Variants in AP4B1 observed in about 807,000 individuals in gnomAD.
The protein encoded by AP4B1 is adaptor related protein complex 4 subunit beta 1.
A neutral mutation model predicts 76.5 loss-of-function variants in AP4B1; 49 were observed. That is an observed-to-expected ratio of 0.64 (90% CI 0.51 to 0.81). The LOEUF is 0.81. Ranked by LOEUF, AP4B1 falls within the 40% of genes least tolerant of loss-of-function variation. The pLI is 0.00. For synonymous variants in AP4B1, 330 were observed against 333.3 expected (o/e 0.99, Z 0.11); for missense variants, 911 against 904.9 (o/e 1.01, Z -0.09).
chr1:113,896,131 A>G, intron 8 of AP4B1, 93 bp from the exon 9 acceptor site: 1 of 1,600,090 alleles, frequency 6.2e-7, no homozygotes, highest in Non-Finnish European at 8.6e-7. Flanking sequence ...AATGAAGGAG[A>G]GAGGAAAACC....
In AP4B1 at chr1:113,904,692, A is replaced by C; in HGVS notation, c.26T>G (p.Val9Gly). MPYLGSED[V>G]VKELKKALCN... ...CAGAGCCTTCTTCAGCTCCTTCACCACGTCCTCGGAGCCAAGGTACGGCAT... is the reference window on the plus strand; with the variant it reads ...CAGAGCCTTCTTCAGCTCCTTCACCCCGTCCTCGGAGCCAAGGTACGGCAT... The change falls in exon 1 of 10, where the codon GTG (valine) becomes GGG (glycine). Residue 9 changes from valine to glycine, a missense_variant. Physicochemically the swap from Val to Gly is moderately radical, Grantham distance 109. Transcript: ENST00000369569. 3 of 1,612,498 alleles carry C rather than the reference A, an allele frequency of 1.9e-6. No individual in the cohort carries two copies. The highest frequency in any genetic ancestry group is 2.5e-6 in the Non-Finnish European group (3 of 1,179,988).
Position 113,895,552 on chromosome 1 carries a change from T to A in AP4B1, c.1793-60A>T, listed in dbSNP as rs1410066802. The A allele has an allele frequency of 6.9e-6, 11 of 1,602,576 alleles. No homozygotes were observed. In the Admixed American group the frequency reaches 1.5e-4, roughly 22 times the overall value. On this transcript the variant is annotated intron_variant, in intron 9 of 9. Coordinates refer to ENST00000369569, the MANE Select transcript of AP4B1 (RefSeq NM_001253852.3). ...CTTAATCTGTAGGAGCTAAGTTTTT[T>A]ATCCAAATTCCCAAATGTACACAAT...
chr1:113,902,724 G>A lies in AP4B1; in HGVS notation c.252C>T (p.Leu84=). ...CTTTGCACAGCGTATTGATGGCCAG[G>A]AGAGCCAGATCTGGTTTCAGGGGAG... ...TYAPLKPDLA[L]LAINTLCKDC... The change falls in exon 2 of 10, where the codon CTC becomes CTT. Residue 84 remains leucine, a synonymous_variant. Coordinates refer to ENST00000369569, the MANE Select transcript of AP4B1 (RefSeq NM_001253852.3). 1 of 1,614,182 alleles carries A rather than the reference G, an allele frequency of 6.2e-7. No homozygotes were observed. The highest frequency in any genetic ancestry group is 8.5e-7 in the Non-Finnish European group (1 of 1,180,050).
rs79496935 is a variant in AP4B1, at chr1:113,899,465, G to A, written c.1114+439C>T. On this transcript the variant is annotated intron_variant, in intron 5 of 9. Transcript: ENST00000369569. ...TAACATAGGACTTTGAGTCAGGAAA[G>A]CTGGATTTCAGTCCCATTTCTAAAA... 4.2e-3 allele frequency: 2,642 copies of A among 628,818 alleles called. 57 individuals are homozygous for A. In the African/African-American group the frequency reaches 0.049, roughly 12 times the overall value. 39.0% of individuals were successfully genotyped at this position (628,818 alleles called of 1,614,324 possible).
chr1:113,897,784 G>A lies in AP4B1; in HGVS notation c.1302+56C>T, dbSNP rs76982396. Reference sequence around the variant, plus strand: ...AGAATAATTAGATTCCATTTCAAAGGGCAGGGTTTCAAGCATTCTCCCCCT... The same window carrying A: ...AGAATAATTAGATTCCATTTCAAAGAGCAGGGTTTCAAGCATTCTCCCCCT... On this transcript the variant is annotated intron_variant, in intron 7 of 9. Coordinates refer to ENST00000369569, the MANE Select transcript of AP4B1 (RefSeq NM_001253852.3). 156 of 1,570,844 alleles carry A rather than the reference G, an allele frequency of 9.9e-5. No homozygotes were observed. The East Asian group carries it at 3.4e-3, about 34-fold the overall frequency.
At chr1:113,901,689 C>A in intron 3 of AP4B1, 66 bp downstream of exon 3, 1 of 1,602,062 alleles carries the variant, frequency 6.2e-7, no homozygotes, top group Non-Finnish European at 8.5e-7. Flanking sequence ...ACCAAAGCCA[C>A]ACAATCTTTT....
Position 113,901,878 on chromosome 1 carries a change from C to G in AP4B1, c.346G>C (p.Gly116Arg). 2 of 1,614,084 alleles carry G rather than the reference C, an allele frequency of 1.2e-6. No homozygotes were observed. The highest frequency in any genetic ancestry group is 8.5e-7 in the Non-Finnish European group (1 of 1,180,012). ...LRSMCSLRMP[G>R]VQEYIQQPIL... ...GGCTGTTGTATATACTCCTGCACACCAGGCATCCTAAGCAACACATCCTGG... is the reference window on the plus strand; with the variant it reads ...GGCTGTTGTATATACTCCTGCACACGAGGCATCCTAAGCAACACATCCTGG... Residue 116 changes from glycine to arginine, a missense_variant, in exon 3 of 10, where the codon GGT becomes CGT. By Grantham distance (125) the Gly-to-Arg change is moderately radical. Coordinates refer to ENST00000369569, the MANE Select transcript of AP4B1 (RefSeq NM_001253852.3).
chr1:113,901,425 T>C lies in AP4B1; in HGVS notation c.470-42A>G, dbSNP rs994131809. The C allele has an allele frequency of 3.1e-6, 5 of 1,598,666 alleles. No homozygotes were observed. The African/African-American group carries it at 6.7e-5, about 21-fold the overall frequency. On this transcript the variant is annotated intron_variant, in intron 3 of 9. Coordinates refer to ENST00000369569, the MANE Select transcript of AP4B1 (RefSeq NM_001253852.3). ...AGTTCTTAGATAAAGAAGGAAAGCTTCAGAGTAACAAGGATGTAGCCAGAG... is the reference window on the plus strand; with the variant it reads ...AGTTCTTAGATAAAGAAGGAAAGCTCCAGAGTAACAAGGATGTAGCCAGAG...
intron 1 of AP4B1, among the ~76,000 whole-genome samples, chr1:113,904,259 G>A (rs1453246159): frequency 6.6e-6 from 1 of 152,136 alleles, no homozygotes; most frequent in Non-Finnish European, 1.5e-5. Context: ...AAGAATGTCC[G>A]GGCTATTTCG....
At chr1:113,899,356 T>G in intron 5 of AP4B1, 1 of 1,010,860 alleles carries the variant, frequency 9.9e-7, no homozygotes, top group Non-Finnish European at 1.2e-6. Flanking sequence ...AAAAAGTCTG[T>G]AAGATTTAGG....
chr1:113,897,113 A>G lies in AP4B1; in HGVS notation c.1303-648T>C, dbSNP rs141339343. 826 of 145,552 alleles carry G rather than the reference A, an allele frequency of 5.7e-3. 10 individuals carry two copies. Among genetic ancestry groups the G allele is most frequent in the African/African-American group, 0.021 (776 of 36,834 alleles). 9.0% of individuals were successfully genotyped at this position (145,552 alleles called of 1,614,324 possible). A position where few individuals can be genotyped will look rare whatever the true frequency, so the allele number is the denominator to read the frequency against. On this transcript the variant is annotated intron_variant, in intron 7 of 9. Coordinates refer to ENST00000369569, the MANE Select transcript of AP4B1 (RefSeq NM_001253852.3). ...AGCTAAGATGGCATTACTGCACTCC[A>G]GCCTGGGCAACAGAGCTAGACTCTG...
rs1668578975 is a variant in AP4B1, at chr1:113,903,559, A to G, written c.114-697T>C. Reference sequence around the variant, plus strand: ...AGTACTTAAACAGAAGTATTGTACAAGGTGTAGAGGGGATTCAGAGGTCTG... The same window carrying G: ...AGTACTTAAACAGAAGTATTGTACAGGGTGTAGAGGGGATTCAGAGGTCTG... On this transcript the variant is annotated intron_variant, in intron 1 of 9. Transcript: ENST00000369569. 2.6e-5 allele frequency among the ~76,000 whole-genome samples: 4 copies of G among 152,372 alleles called. No individual in the cohort carries two copies. The South Asian group carries it at 8.3e-4, about 32-fold the overall frequency.
In AP4B1 at chr1:113,901,259, G is replaced by C. The variant is rs766215887; in HGVS notation, c.594C>G (p.Pro198=). 6.2e-7 allele frequency: 1 copy of C among 1,614,182 alleles called. No individual in the cohort carries two copies. The highest frequency in any genetic ancestry group is 1.1e-5 in the South Asian group (1 of 91,078). ...KQEGGVVINK[P]IAHHLLNRMS... is the part of the protein sequence containing the mutation. ...ACCGATTTAAGAGATGGTGAGCAAT[G>C]GGCTTATTGATGACAACGCCTCCTT... The change falls in exon 4 of 10, where the codon CCC becomes CCG. Residue 198 remains proline, a synonymous_variant. Transcript: ENST00000369569.
intron 5 of AP4B1, chr1:113,899,013 A>G: frequency 8.9e-7 from 1 of 1,118,226 alleles, no homozygotes; most frequent in Non-Finnish European, 1.2e-6. Context: ...ACTACTAGAA[A>G]ACTGAAAGCT....
chr1:113,901,641 G>T, intron 3 of AP4B1, 114 bp downstream of exon 3: 1 of 1,470,018 alleles, frequency 6.8e-7, no homozygotes, highest in Non-Finnish European at 9.4e-7. Flanking sequence ...CCTACTTAAA[G>T]AGATATGTAC....
intron 7 of AP4B1, 145 bp downstream of exon 7, chr1:113,897,695 A>C (rs1292097865): frequency 4.9e-6 from 4 of 810,344 alleles, no homozygotes; most frequent in Non-Finnish European, 8.1e-6. Context: ...TGCCATCTAT[A>C]TCCAAAAGAG....
chr1:113,897,597 C>T (rs913440087), intron 7 of AP4B1: 32 of 531,192 alleles, frequency 6.0e-5, no homozygotes, highest in African/African-American at 5.4e-4. Flanking sequence ...CAAAGCAAAA[C>T]AAAACAAAAC....
chr1:113,900,010 C>T lies in AP4B1; in HGVS notation c.1008G>A (p.Leu336=). Residue 336 remains leucine, a synonymous_variant, in exon 5 of 10, where the codon CTG becomes CTA. Coordinates refer to ENST00000369569, the MANE Select transcript of AP4B1 (RefSeq NM_001253852.3). ...HYIKLQKVEV[L]CELVNDENVQ... is the part of the protein sequence containing the mutation. ...CATTCTCATCGTTCACCAGTTCACA[C>T]AGCACCTCCACTTTCTGTAGTTTGA... is the stretch of plus-strand genomic sequence containing the variant. 1 of 1,614,216 alleles carries T rather than the reference C, an allele frequency of 6.2e-7. No individual in the cohort carries two copies. The highest frequency in any genetic ancestry group is 8.5e-7 in the Non-Finnish European group (1 of 1,180,030).
chr1:113,899,989 C>G lies in AP4B1; in HGVS notation c.1029G>C (p.Glu343Asp), dbSNP rs765847895. ...GCTCCTCTAGCACCTGCTGCACATT[C>G]TCATCGTTCACCAGTTCACACAGCA... is the stretch of plus-strand genomic sequence containing the variant. ...VEVLCELVNDENVQQVLEELR... is the reference protein window; with the variant it reads ...VEVLCELVNDDNVQQVLEELR... Residue 343 changes from glutamate to aspartate, a missense_variant, in exon 5 of 10, where the codon GAG becomes GAC. Coordinates refer to ENST00000369569, the MANE Select transcript of AP4B1 (RefSeq NM_001253852.3). 3.7e-6 allele frequency: 6 copies of G among 1,614,074 alleles called. No individual in the cohort carries two copies. The East Asian group carries it at 1.3e-4, about 36-fold the overall frequency.
Sources: gnomAD v4.1 joint callset for allele counts (sites outside exome capture counted in the v4.1 genomes callset) on GRCh38, gnomAD v4.1.1 for gene constraint, MANE v1.5 for transcripts, NCBI Gene and HGNC (gene_info 2026-07-23, HGNC 2026-07-21) for gene names.